The following HNMT variants were observed in gnomAD, a reference collection of about 807,000 sequenced individuals.
HNMT encodes histamine N-methyltransferase.
HNMT carries 30 observed loss-of-function variants against 32.1 expected under a neutral mutation model. That is an observed-to-expected ratio of 0.93 (90% confidence interval 0.70 to 1.27). HNMT has a LOEUF of 1.27. Among genes scored for constraint, HNMT ranks in the 50% most tolerant of loss-of-function variants. The probability of loss-of-function intolerance (pLI) is 0.00; values close to 1 mark genes in which losing one functional copy is unlikely to be tolerated. For synonymous variants in HNMT, 125 were observed against 119.0 expected (o/e 1.05, Z -0.33); for missense variants, 327 against 346.0 (o/e 0.95, Z 0.43).
intron 2 of HNMT, among the ~76,000 whole-genome samples, chr2:137,986,909 T>C (rs993071004): frequency 2.6e-5 from 4 of 152,032 alleles, no homozygotes; most frequent in Non-Finnish European, 5.9e-5. Context: ...TTTGCTAAAA[T>C]TACACACAAG....
At chr2:137,966,420 G>A (rs1420023658) in intron 1 of HNMT, among the ~76,000 whole-genome samples, 2 of 152,178 alleles carry the variant, frequency 1.3e-5, no homozygotes, top group South Asian at 2.1e-4. Flanking sequence ...TCATTTCGCT[G>A]TATTAAAATA....
At chr2:137,981,488 T>C (rs753374512) in intron 2 of HNMT, 1 of 923,112 alleles carries the variant, frequency 1.1e-6, no homozygotes, top group Non-Finnish European at 1.7e-6. Flanking sequence ...CCTTTCTTTG[T>C]TGCTTTGGTT....
intron 2 of HNMT, among the ~76,000 whole-genome samples, chr2:137,998,038 G>A (rs897329013): frequency 2.2e-4 from 33 of 151,898 alleles, no homozygotes; most frequent in Non-Finnish European, 8.8e-5. Context: ...TTGAGGGGAG[G>A]GAACACAGAA....
rs112148458 is a variant in HNMT at position 138,003,158 on chromosome 2, G to A, written c.429+964G>A. On this transcript the variant is annotated intron_variant, in intron 4 of 5. Transcript: ENST00000280097. ...TAGATGACGAGTTAGTGGGTGCAGC[G>A]CACCAGCATGGCACATGTATACATA... is the stretch of plus-strand genomic sequence containing the variant. Among the ~76,000 whole-genome samples the A allele has an allele frequency of 6.2e-3, 927 of 150,004 alleles. 10 individuals carry two copies. The highest frequency in any genetic ancestry group is 0.021 in the African/African-American group (863 of 40,528).
intron 4 of HNMT, among the ~76,000 whole-genome samples, chr2:138,004,124 A>G (rs1402117451): frequency 2.5e-5 from 2 of 80,424 alleles, no homozygotes; most frequent in Non-Finnish European, 8.2e-5. Context: ...TCTTTGAGAA[A>G]AATTTAAGGT....
chr2:137,993,479 A>C (rs1680888295), intron 2 of HNMT, among the ~76,000 whole-genome samples: 1 of 152,214 alleles, frequency 6.6e-6, no homozygotes, highest in African/African-American at 2.4e-5. Context: ...GACTAGAGAA[A>C]AAAGAATGAA....
chr2:138,005,706 C>T (rs1356048483), intron 5 of HNMT, among the ~76,000 whole-genome samples: 1 of 151,960 alleles, frequency 6.6e-6, no homozygotes, highest in Non-Finnish European at 1.5e-5. Flanking sequence ...AAATGCCTAT[C>T]AAAAACAGTT....
At chr2:138,005,340 G>A (rs1681300277) in intron 5 of HNMT, 115 bp downstream of exon 5, 2 of 679,346 alleles carry the variant, frequency 2.9e-6, no homozygotes, top group Non-Finnish European at 5.2e-6. Context: ...TTCTTGCCTT[G>A]GCCTCTAATC....
At chr2:137,981,292 C>G in intron 2 of HNMT, 1 of 1,613,628 alleles carries the variant, frequency 6.2e-7, no homozygotes, top group Non-Finnish European at 8.5e-7. Flanking sequence ...GTCAGAAAGA[C>G]AAGCCAGGCA....
intron 2 of HNMT, among the ~76,000 whole-genome samples, chr2:138,000,004 C>G (rs910567199): frequency 6.6e-6 from 1 of 152,134 alleles, no homozygotes; most frequent in South Asian, 2.1e-4. Flanking sequence ...GTTTAAAACT[C>G]AAGTCCATCT....
At chr2:137,977,470 G>A (rs957005070) in intron 2 of HNMT, among the ~76,000 whole-genome samples, 1 of 152,028 alleles carries the variant, frequency 6.6e-6, no homozygotes, top group African/African-American at 2.4e-5. Flanking sequence ...AAGGGGATTG[G>A]GGGGGTTGCA....
At chr2:137,988,374 T>C (rs1282928538) in intron 2 of HNMT, among the ~76,000 whole-genome samples, 2 of 152,096 alleles carry the variant, frequency 1.3e-5, no homozygotes, top group Non-Finnish European at 2.9e-5. Context: ...AGGGACAGAA[T>C]TGAGAAAGTA....
intron 1 of HNMT, among the ~76,000 whole-genome samples, chr2:137,969,628 T>G (rs1489557237): frequency 6.6e-6 from 1 of 152,162 alleles, no homozygotes; most frequent in Non-Finnish European, 1.5e-5. Flanking sequence ...ACTCTATTTC[T>G]AGTACCTGAG....
chr2:137,978,781 A>T (rs1253861060), intron 2 of HNMT, among the ~76,000 whole-genome samples: 1 of 139,616 alleles, frequency 7.2e-6, no homozygotes, highest in Non-Finnish European at 1.5e-5. Context: ...ATAGTATTAT[A>T]TAATACTTTA....
chr2:138,003,835 C>A (rs1028597074), intron 4 of HNMT, among the ~76,000 whole-genome samples: 2 of 152,094 alleles, frequency 1.3e-5, no homozygotes, highest in Admixed American at 6.6e-5. Context: ...AAAAACCACT[C>A]CCTCTGCTTA....
intron 2 of HNMT, among the ~76,000 whole-genome samples, chr2:137,987,406 T>A (rs936005328): frequency 2.6e-5 from 4 of 152,168 alleles, no homozygotes; most frequent in Admixed American, 1.3e-4. Context: ...TTTTTTCACT[T>A]ACCCCTGAAT....
chr2:137,990,381 G>T (rs571215486), intron 2 of HNMT, among the ~76,000 whole-genome samples: 3 of 152,108 alleles, frequency 2.0e-5, no homozygotes, highest in African/African-American at 7.2e-5. Flanking sequence ...CCTTGTCAAA[G>T]ATCAATTCAC....
At chr2:137,969,269 C>G (rs1680052156) in intron 1 of HNMT, among the ~76,000 whole-genome samples, 1 of 152,160 alleles carries the variant, frequency 6.6e-6, no homozygotes, top group African/African-American at 2.4e-5. Flanking sequence ...TCCACTACTA[C>G]TATAACTCTG....
At chr2:137,965,507 G>T (rs1679929285) in intron 1 of HNMT, among the ~76,000 whole-genome samples, 1 of 152,134 alleles carries the variant, frequency 6.6e-6, no homozygotes, top group African/African-American at 2.4e-5. Flanking sequence ...CAGTACCTAT[G>T]TCTGACCAGA....
Sources: allele counts gnomAD v4.1 joint callset (sites outside exome capture counted in the v4.1 genomes callset), GRCh38; gene constraint gnomAD v4.1.1; transcripts MANE v1.5; gene names NCBI Gene and HGNC (gene_info 2026-07-23, HGNC 2026-07-21).